ID3: variants seen among roughly 807,000 people sequenced by gnomAD.
ID3 encodes DNA-binding protein inhibitor ID-3.
ID3 carries 4 observed loss-of-function variants against 9.6 expected under a neutral mutation model. The ratio of observed to expected loss-of-function variants is 0.42; its 90% CI spans 0.21 to 0.96. The LOEUF is 0.96. ID3 is among the 40% of genes least tolerant of loss of function. The pLI is 0.30. For missense variants in ID3, 191 were observed against 164.5 expected, an observed-to-expected ratio of 1.16 and a Z score of -0.88; for synonymous variants, 108 against 75.2, an observed-to-expected ratio of 1.44 and a Z score of -2.26.
In ID3 at chr1:23,558,360, T is replaced by G. The variant is rs1306181872; in HGVS notation, c.*81A>C. 1 of 153,102 alleles carries G rather than the reference T, an allele frequency of 6.5e-6. No individual in the cohort carries two copies. The highest frequency in any genetic ancestry group is 2.4e-5 in the African/African-American group (1 of 41,462). 9.5% of individuals were successfully genotyped at this position (153,102 alleles called of 1,614,324 possible). Reference sequence around the variant, plus strand: ...TTGGGGCCCATCCCTGCCGTCCGGCTTCCGGCAGGAGAGGTTCCCGGGGTC... The same window carrying G: ...TTGGGGCCCATCCCTGCCGTCCGGCGTCCGGCAGGAGAGGTTCCCGGGGTC... On this transcript the variant is annotated 3_prime_UTR_variant, in exon 3 of 3. Coordinates refer to ENST00000374561, the MANE Select transcript of ID3 (RefSeq NM_002167.5).
Position 23,559,415 on chromosome 1 carries a change from C to T in ID3, c.12G>A (p.Leu4=), listed in dbSNP as rs1286097684. MKA[L]SPVRGCYEAV... ...CCTCGTAGCAGCCGCGCACCGGGCTCAGCGCCTTCATGCTGGGGAGTGAGT... is the reference window on the plus strand; with the variant it reads ...CCTCGTAGCAGCCGCGCACCGGGCTTAGCGCCTTCATGCTGGGGAGTGAGT... The change falls in exon 1 of 3, where the codon CTG becomes CTA. Residue 4 remains leucine (L), a synonymous_variant. Coordinates refer to ENST00000374561, the MANE Select transcript of ID3 (RefSeq NM_002167.5). The T allele has an allele frequency of 4.3e-6, 7 of 1,612,010 alleles. No individual in the cohort carries two copies. Among genetic ancestry groups the T allele is most frequent in the African/African-American group, 2.7e-5 (2 of 74,926 alleles).
chr1:23,559,501 C>A lies in ID3; in HGVS notation c.-75G>T. ...AGTCCCGCTACAGTGACCTGCAACG[C>A]GCGCACGCTCGCCGCGGCGGTCACT... On this transcript the variant is annotated 5_prime_UTR_variant, in exon 1 of 3. Coordinates refer to ENST00000374561, the MANE Select transcript of ID3 (RefSeq NM_002167.5). 6.8e-7 allele frequency: 1 copy of A among 1,472,086 alleles called. No homozygotes were observed. Among genetic ancestry groups the A allele is most frequent in the Non-Finnish European group, 9.1e-7 (1 of 1,102,812 alleles). 91.2% of individuals were successfully genotyped at this position (1,472,086 alleles called of 1,614,324 possible). A position where few individuals can be genotyped will look rare whatever the true frequency, so the allele number is the denominator to read the frequency against.
intron 2 of ID3, 85 bp downstream of exon 2, chr1:23,558,850 C>G (rs1643680901): frequency 2.3e-6 from 2 of 866,492 alleles, no homozygotes; most frequent in South Asian, 3.0e-5. Flanking sequence ...TTTCCCTAAA[C>G]CGAGTGAGTG....
At position 23,558,415 on chromosome 1, in the gene ID3, T is replaced by C. The variant is rs981629599; in HGVS notation, c.*26A>G. The C allele has an allele frequency of 2.6e-5, 4 of 153,516 alleles. No individual in the cohort carries two copies. Among genetic ancestry groups the C allele is most frequent in the African/African-American group, 9.6e-5 (4 of 41,584 alleles). The allele number at this position is 153,516 out of a possible 1,614,324, so 9.5% of individuals were successfully genotyped here. On this transcript the variant is annotated splice_region_variant and 3_prime_UTR_variant, in exon 3 of 3. Coordinates refer to ENST00000374561, the MANE Select transcript of ID3 (RefSeq NM_002167.5). ...GCAGAACGGGCGCCAGCACCTGCGT[T>C]CTGGGCGGGGGAGGAAAGAAGACCA...
At chr1:23,558,665 G>A in intron 2 of ID3, 1 of 438,440 alleles carries the variant, frequency 2.3e-6, no homozygotes, top group Admixed American at 3.6e-5. Flanking sequence ...TATACAACAT[G>A]GAACAGAAAG....
intron 2 of ID3, 92 bp downstream of exon 2, chr1:23,558,843 C>T (rs1253702670): frequency 3.8e-6 from 3 of 793,780 alleles, no homozygotes; most frequent in African/African-American, 3.4e-5. Context: ...GCCTCAGTTT[C>T]CCTAAACCGA....
chr1:23,558,912 T>C, intron 2 of ID3, 23 bp downstream of exon 2: 1 of 1,537,622 alleles, frequency 6.5e-7, no homozygotes, highest in Non-Finnish European at 9.0e-7. Context: ...TAAACCTCCC[T>C]CTCCAAGAGA....
chr1:23,558,648 A>AAT, intron 2 of ID3: 1 of 319,584 alleles, frequency 3.1e-6, no homozygotes. Context: ...TGCCGAAGAC[A>AAT]GCTCCCTATA....
At chr1:23,558,876 G>A in intron 2 of ID3, 59 bp downstream of exon 2, 4 of 1,194,096 alleles carry the variant, frequency 3.3e-6, no homozygotes, top group South Asian at 1.3e-5. Flanking sequence ...TTTTCAAAAC[G>A]TCTGCCAACT....
rs758232318 is a variant in ID3 at position 23,558,948 on chromosome 1, G to C, written c.*12C>G. 13 of 1,612,462 alleles carry C rather than the reference G, an allele frequency of 8.1e-6. No individual in the cohort carries two copies. In the Admixed American group the frequency reaches 2.2e-4, roughly 27 times the overall value. ...GGAGATACTCACCTGGAGGTGTCAG[G>C]ACACGGCCGAGTCAGTGGCAAAAGC... is the stretch of plus-strand genomic sequence containing the variant. On this transcript the variant is annotated 3_prime_UTR_variant, in exon 2 of 3. Transcript: ENST00000374561.
rs866200138 is a variant in ID3 at position 23,559,477 on chromosome 1, G to A, written c.-51C>T. 1.1e-5 allele frequency: 18 copies of A among 1,571,940 alleles called. No homozygotes were observed. The Middle Eastern group carries it at 1.1e-3, about 100-fold the overall frequency. ...CCAAAGAGAAAGAAAACCAAAAGAA[G>A]TCCCGCTACAGTGACCTGCAACGCG... On this transcript the variant is annotated 5_prime_UTR_variant, in exon 1 of 3. Coordinates refer to ENST00000374561, the MANE Select transcript of ID3 (RefSeq NM_002167.5).
rs1034901687 is a variant in ID3 at position 23,559,156 on chromosome 1, G to C, written c.271C>G (p.Pro91Ala). 3.1e-6 allele frequency: 5 copies of C among 1,614,214 alleles called. No homozygotes were observed. The highest frequency in any genetic ancestry group is 4.2e-6 in the Non-Finnish European group (5 of 1,180,036). ...QVVLAEPAPG[P>A]PDGPHLPIQT... ...ATGGGAAGGTGGGGGCCATCAGGGG[G>C]TCCAGGGGCTGGCTCGGCCAGGACT... The change falls in exon 1 of 3, where the codon CCC becomes GCC. Residue 91 changes from proline to alanine, a missense_variant. Transcript: ENST00000374561.
rs1643686576 is a variant in ID3 at position 23,559,161 on chromosome 1, G to A, written c.266C>T (p.Pro89Leu). The A allele has an allele frequency of 6.2e-7, 1 of 1,614,232 alleles. No homozygotes were observed. Among genetic ancestry groups the A allele is most frequent in the South Asian group, 1.1e-5 (1 of 91,084 alleles). The change falls in exon 1 of 3, where the codon CCT becomes CTT. Residue 89 changes from proline (P) to leucine (L), a missense_variant. Coordinates refer to ENST00000374561, the MANE Select transcript of ID3 (RefSeq NM_002167.5). ...DLQVVLAEPA[P>L]GPPDGPHLPI... ...AAGGTGGGGGCCATCAGGGGGTCCA[G>A]GGGCTGGCTCGGCCAGGACTACCTG... is the stretch of plus-strand genomic sequence containing the variant.
chr1:23,558,245 T>C lies in ID3; in HGVS notation c.*196A>G, dbSNP rs1643671039. 6.5e-6 allele frequency: 1 copy of C among 152,718 alleles called. No homozygotes were observed. The highest frequency in any genetic ancestry group is 1.5e-5 in the Non-Finnish European group (1 of 68,144). The allele number at this position is 152,718 out of a possible 1,614,324, so 9.5% of individuals were successfully genotyped here. ...TGGTGGCCAGAGCTAGCTCTGGCTC[T>C]TCAGGCCACAAGTTCACAGTCCTTC... On this transcript the variant is annotated 3_prime_UTR_variant, in exon 3 of 3. Transcript: ENST00000374561.
chr1:23,558,808 T>TG (rs1293976483), intron 2 of ID3, 127 bp downstream of exon 2: 8 of 645,688 alleles, frequency 1.2e-5, no homozygotes, highest in Non-Finnish European at 1.9e-5. Flanking sequence ...GATGCAACCA[T>TG]GGGCAAGTCA....
intron 2 of ID3, chr1:23,558,697 T>C (rs1643678930): frequency 5.7e-6 from 3 of 529,042 alleles, no homozygotes; most frequent in East Asian, 6.5e-5. Context: ...GTCGGACCCA[T>C]GTCTACTTTG....
rs11542320 is a variant in ID3 at position 23,559,142 on chromosome 1, G to A, written c.285C>T (p.Pro95=). ...AEPAPGPPDG[P]HLPIQTAELT... ...CGAGGCTTACCTGGATGGGAAGGTG[G>A]GGGCCATCAGGGGGTCCAGGGGCTG... The change falls in exon 1 of 3, where the codon CCC becomes CCT. Residue 95 remains proline (P), a synonymous_variant. Transcript: ENST00000374561. The A allele has an allele frequency of 2.5e-6, 4 of 1,614,046 alleles. No homozygotes were observed. The highest frequency in any genetic ancestry group is 2.5e-6 in the Non-Finnish European group (3 of 1,179,906).
chr1:23,558,649 G>GTAGGTGTAGAT, intron 2 of ID3: 1 of 325,736 alleles, frequency 3.1e-6, no homozygotes. Flanking sequence ...GCCGAAGACA[G>GTAGGTGTAGAT]CTCCCTATAC....
rs770825487 is a variant in ID3, at chr1:23,558,921, G to A, written c.*25+14C>T. 55 of 1,574,702 alleles carry A rather than the reference G, an allele frequency of 3.5e-5. No individual in the cohort carries two copies. Among genetic ancestry groups the A allele is most frequent in the Non-Finnish European group, 4.3e-5 (49 of 1,146,062 alleles). On this transcript the variant is annotated intron_variant, in intron 2 of 2. Transcript: ENST00000374561. ...GCCGTTTAAACCTCCCTCTCCAAGAGAGGAGATACTCACCTGGAGGTGTCA... is the reference window on the plus strand; with the variant it reads ...GCCGTTTAAACCTCCCTCTCCAAGAAAGGAGATACTCACCTGGAGGTGTCA...
Sources: allele counts gnomAD v4.1 joint callset, GRCh38; gene constraint gnomAD v4.1.1; transcripts MANE v1.5; gene names NCBI Gene and HGNC (gene_info 2026-07-23, HGNC 2026-07-21).